PCSK5: variants seen among roughly 807,000 people sequenced by gnomAD.
The protein encoded by PCSK5 is proprotein convertase subtilisin/kexin type 5, also known as prohormone convertase 5.
PCSK5 carries 129 observed loss-of-function variants against 233.2 expected under a neutral mutation model. That is an observed-to-expected ratio of 0.55 (90% CI 0.48 to 0.64). PCSK5 has a LOEUF of 0.64. Ranked by LOEUF, PCSK5 falls within the 30% of genes least tolerant of loss-of-function variation. The pLI is 0.00. For synonymous variants in PCSK5, 825 were observed against 879.2 expected, an observed-to-expected ratio of 0.94 and a Z score of 1.09; for missense variants, 2,076 against 2,430.1, an observed-to-expected ratio of 0.85 and a Z score of 3.06.
At position 76,233,817 on chromosome 9, in the gene PCSK5, T is replaced by C. The variant is rs1192720938; in HGVS notation, c.2866+221T>C. The stretch of plus-strand genomic sequence containing the variant: ...TGTAGACTCGGTGCCCTGGAAAAGA[T>C]GAGAAAGCAGCTAAGAGATGCCTTT... On this transcript the variant is annotated intron_variant, in intron 22 of 37. Transcript: ENST00000674117. 1.7e-4 allele frequency among the ~76,000 whole-genome samples: 18 copies of C among 104,088 alleles called. No individual in the cohort carries two copies. The Admixed American group carries it at 1.8e-3, about 10-fold the overall frequency. 68.3% of individuals were successfully genotyped at this position (104,088 alleles called of 152,430 possible). A position where few individuals can be genotyped will look rare whatever the true frequency, so the allele number is the denominator to read the frequency against.
intron 1 of PCSK5, among the ~76,000 whole-genome samples, chr9:75,897,328 A>C (rs1036829639): frequency 1.3e-4 from 19 of 151,850 alleles, no homozygotes; most frequent in Non-Finnish European, 2.6e-4. Flanking sequence ...CTCCCATAGG[A>C]TGATGTGATA....
chr9:75,966,503 A>T (rs1394798489), intron 2 of PCSK5, among the ~76,000 whole-genome samples: 1 of 152,128 alleles, frequency 6.6e-6, no homozygotes, highest in Admixed American at 6.5e-5. Context: ...TCCCAATCTC[A>T]TGGGAATGTG....
intron 5 of PCSK5, among the ~76,000 whole-genome samples, chr9:76,041,687 A>G (rs1238722431): frequency 6.6e-6 from 1 of 152,016 alleles, no homozygotes; most frequent in South Asian, 2.1e-4. Flanking sequence ...TAAAAATACA[A>G]AAATTAGCCA....
At chr9:76,331,874 C>T (rs1051004299) in intron 33 of PCSK5, among the ~76,000 whole-genome samples, 2 of 152,268 alleles carry the variant, frequency 1.3e-5, no homozygotes, top group South Asian at 4.1e-4. Context: ...AGGAACAGAG[C>T]CCTGTGGATC....
chr9:76,034,547 C>T (rs1040922509), intron 5 of PCSK5, among the ~76,000 whole-genome samples: 1 of 152,024 alleles, frequency 6.6e-6, no homozygotes, highest in Non-Finnish European at 1.5e-5. Flanking sequence ...TTGTGTCATT[C>T]CTCTAATGTG....
chr9:76,309,956 T>C (rs142612295), intron 29 of PCSK5, among the ~76,000 whole-genome samples: 221 of 151,912 alleles, frequency 1.5e-3, no homozygotes, highest in Middle Eastern at 0.01. Context: ...AAAGGGAGAG[T>C]TGGGTGGAAG....
intron 24 of PCSK5, among the ~76,000 whole-genome samples, chr9:76,262,876 C>A (rs895909403): frequency 6.6e-6 from 1 of 150,970 alleles, no homozygotes; most frequent in Non-Finnish European, 1.5e-5. Flanking sequence ...GCAACCTGCT[C>A]ATCTGACAAA....
At chr9:75,921,221 C>T (rs1036663712) in intron 1 of PCSK5, among the ~76,000 whole-genome samples, 4 of 152,070 alleles carry the variant, frequency 2.6e-5, no homozygotes, top group Admixed American at 6.6e-5. Flanking sequence ...AGAAAAGTAC[C>T]GATGCCCTGG....
At chr9:76,194,930 G>A in intron 20 of PCSK5, 1 of 192,280 alleles carries the variant, frequency 5.2e-6, no homozygotes, top group Non-Finnish European at 1.1e-5. Context: ...TCCTGGGAAA[G>A]AGCTAGGAAG....
At chr9:76,344,080 T>G (rs1442963885) in intron 35 of PCSK5, among the ~76,000 whole-genome samples, 1 of 152,208 alleles carries the variant, frequency 6.6e-6, no homozygotes, top group African/African-American at 2.4e-5. Context: ...CAATGTTTAT[T>G]TTACATGTAC....
chr9:76,343,333 T>TTTTGTG (rs1554723824), intron 35 of PCSK5, among the ~76,000 whole-genome samples: 3 of 133,812 alleles, frequency 2.2e-5, no homozygotes, highest in Non-Finnish European at 4.7e-5. Context: ...CCTGGGTAAT[T>TTTTGTG]TGTGTGTGTG....
intron 1 of PCSK5, among the ~76,000 whole-genome samples, chr9:75,915,952 A>G (rs1822969579): frequency 6.6e-6 from 1 of 152,184 alleles, no homozygotes; most frequent in African/African-American, 2.4e-5. Context: ...TATTTTGTGG[A>G]TACAAACATT....
At chr9:76,275,386 T>A (rs1433507673) in intron 24 of PCSK5, among the ~76,000 whole-genome samples, 1 of 152,156 alleles carries the variant, frequency 6.6e-6, no homozygotes, top group African/African-American at 2.4e-5. Context: ...TTAAAAAAGC[T>A]ATTTTTTGTT....
chr9:76,051,577 C>G (rs991342933), intron 5 of PCSK5, among the ~76,000 whole-genome samples: 1 of 151,896 alleles, frequency 6.6e-6, no homozygotes, highest in Non-Finnish European at 1.5e-5. Flanking sequence ...TAATACTTAT[C>G]TCAGTAGAGC....
intron 1 of PCSK5, among the ~76,000 whole-genome samples, chr9:75,900,243 G>C (rs114024266): frequency 9.7e-4 from 147 of 152,288 alleles, no homozygotes; most frequent in African/African-American, 3.4e-3. Context: ...TAAGCTCTCT[G>C]TTCCTCAGTT....
In PCSK5 at chr9:75,984,328, A is replaced by G. The variant is rs540393970; in HGVS notation, c.298-1804A>G. On this transcript the variant is annotated intron_variant, in intron 2 of 37. Transcript: ENST00000674117. ...CCCAGGATAGACTGTCCTGACCTCT[A>G]GGAGTCTCTTTAATGAGTCCGCAGT... Among the ~76,000 whole-genome samples the G allele has an allele frequency of 1.1e-3, 161 of 152,296 alleles. 1 individual carries two copies. Among genetic ancestry groups the G allele is most frequent in the African/African-American group, 3.1e-3 (128 of 41,584 alleles).
intron 20 of PCSK5, among the ~76,000 whole-genome samples, chr9:76,203,486 A>T (rs966666339): frequency 5.3e-5 from 8 of 151,748 alleles, no homozygotes; most frequent in African/African-American, 1.9e-4. Context: ...AGAAGGCAAA[A>T]CAAGCAGAAG....
At chr9:75,971,278 GC>G (rs1825808016) in intron 2 of PCSK5, among the ~76,000 whole-genome samples, 1 of 152,070 alleles carries the variant, frequency 6.6e-6, no homozygotes, top group South Asian at 2.1e-4. Context: ...CTTTTTTATG[GC>G]TGCATAGTAT....
At chr9:75,951,570 C>T (rs527613568) in intron 2 of PCSK5, among the ~76,000 whole-genome samples, 5 of 152,116 alleles carry the variant, frequency 3.3e-5, no homozygotes, top group African/African-American at 9.6e-5. Flanking sequence ...AAAAATGATA[C>T]CCTGTAGCTT....
Sources: gnomAD v4.1 joint callset for allele counts (sites outside exome capture counted in the v4.1 genomes callset) on GRCh38, gnomAD v4.1.1 for gene constraint, MANE v1.5 for transcripts, NCBI Gene and HGNC (gene_info 2026-07-23, HGNC 2026-07-21) for gene names.